PRKN: variants seen among roughly 807,000 people sequenced by gnomAD.
PRKN encodes parkin RBR E3 ubiquitin protein ligase, also known as E3 ubiquitin-protein ligase parkin.
PRKN carries 56 observed loss-of-function variants against 59.5 expected under a neutral mutation model. The observed-to-expected ratio is 0.94, with a 90% CI of 0.76 to 1.18. The LOEUF (loss-of-function observed/expected upper bound fraction) is 1.18, where lower values mean the gene tolerates loss of function less well. PRKN is among the 50% of genes most tolerant of loss of function. The probability of loss-of-function intolerance (pLI) is 0.00; values close to 1 mark genes in which losing one functional copy is unlikely to be tolerated. For missense variants in PRKN, 657 were observed against 596.4 expected, an observed-to-expected ratio of 1.10 and a Z score of -1.06; for synonymous variants, 250 against 222.1, an observed-to-expected ratio of 1.13 and a Z score of -1.12.
chr6:161,737,289 T>C (rs1332345457), intron 7 of PRKN, among the ~76,000 whole-genome samples: 1 of 152,106 alleles, frequency 6.6e-6, no homozygotes, highest in Non-Finnish European at 1.5e-5. Context: ...ACCAGAACAA[T>C]GTCCCTTAAG....
intron 1 of PRKN, among the ~76,000 whole-genome samples, chr6:162,651,574 C>G (rs111921262): frequency 9.9e-5 from 15 of 152,258 alleles, no homozygotes; most frequent in African/African-American, 3.4e-4. Flanking sequence ...ACTAGTTACA[C>G]CTCATAACCA....
intron 7 of PRKN, among the ~76,000 whole-genome samples, chr6:161,707,252 C>T (rs552700858): frequency 1.4e-4 from 21 of 150,244 alleles, no homozygotes; most frequent in African/African-American, 4.9e-4. Context: ...AGGTTGGTTA[C>T]ATTTAATGAA....
chr6:161,945,574 T>G (rs908577004), intron 6 of PRKN, among the ~76,000 whole-genome samples: 1 of 152,142 alleles, frequency 6.6e-6, no homozygotes, highest in Non-Finnish European at 1.5e-5. Flanking sequence ...CTTCTAGGAC[T>G]TAACAGTAAC....
rs529451725 is a variant in PRKN at position 161,551,274 on chromosome 6, A to T, written c.934-2271T>A. 1.3e-5 allele frequency among the ~76,000 whole-genome samples: 2 copies of T among 152,336 alleles called. No homozygotes were observed. Among genetic ancestry groups the T allele is most frequent in the South Asian group, 4.1e-4 (2 of 4,832 alleles). ...ACAGCACAGCCCCAAATGCCAAGGA[A>T]GGACCTGGGGAGGCGCGCTGGCGAC... On this transcript the variant is annotated intron_variant, in intron 8 of 11. Transcript: ENST00000366898. This position sits in a 1 kb window ranked among gnomAD's most constrained non-coding sequence, Gnocchi z 5.2.
chr6:162,442,095 C>T (rs1790083233), intron 2 of PRKN, among the ~76,000 whole-genome samples: 1 of 152,158 alleles, frequency 6.6e-6, no homozygotes, highest in Non-Finnish European at 1.5e-5. Context: ...GCAGTTTGTG[C>T]ACAACGAGTA....
intron 4 of PRKN, among the ~76,000 whole-genome samples, chr6:162,161,343 C>A (rs1352041628): frequency 6.6e-6 from 1 of 152,178 alleles, no homozygotes; most frequent in Non-Finnish European, 1.5e-5. Context: ...CTAAAGGATG[C>A]TCACTTAATA....
chr6:161,868,562 G>C (rs1202840238), intron 6 of PRKN, among the ~76,000 whole-genome samples: 1 of 152,058 alleles, frequency 6.6e-6, no homozygotes, highest in Non-Finnish European at 1.5e-5. Context: ...ACCTAGGTGA[G>C]AGAGTGAGAC....
intron 2 of PRKN, among the ~76,000 whole-genome samples, chr6:162,286,009 C>G (rs1562641297): frequency 6.6e-6 from 1 of 152,184 alleles, no homozygotes; most frequent in Non-Finnish European, 1.5e-5. Flanking sequence ...TTCAACCACA[C>G]AACCAAAGAC....
intron 4 of PRKN, among the ~76,000 whole-genome samples, chr6:162,111,443 C>T (rs569317566): frequency 6.6e-6 from 1 of 151,300 alleles, no homozygotes; most frequent in East Asian, 1.9e-4. Context: ...CCAGCCTGGG[C>T]AACAGAGTGA....
chr6:161,866,043 T>C (rs1157124961), intron 6 of PRKN, among the ~76,000 whole-genome samples: 1 of 152,150 alleles, frequency 6.6e-6, no homozygotes, highest in African/African-American at 2.4e-5. Context: ...TAATAATTGG[T>C]CTTATTTCAA....
At chr6:162,268,679 G>A (rs974886493) in intron 2 of PRKN, among the ~76,000 whole-genome samples, 2 of 152,176 alleles carry the variant, frequency 1.3e-5, no homozygotes, top group Non-Finnish European at 2.9e-5. Context: ...AGTTCACGAT[G>A]GGTTCAACAA....
At chr6:161,717,598 T>C (rs1274859051) in intron 7 of PRKN, among the ~76,000 whole-genome samples, 1 of 152,148 alleles carries the variant, frequency 6.6e-6, no homozygotes, top group Non-Finnish European at 1.5e-5. Flanking sequence ...TGTCTTCCGG[T>C]GTTCCTAATT....
intron 4 of PRKN, among the ~76,000 whole-genome samples, chr6:162,157,923 C>T (rs1034560075): frequency 1.2e-4 from 18 of 152,062 alleles, no homozygotes; most frequent in Non-Finnish European, 2.2e-4. Flanking sequence ...CTGGTCTCAA[C>T]ATTTTGTTGC....
At position 161,368,381 on chromosome 6, in the gene PRKN, T is replaced by TTA. The variant is rs1562399363; in HGVS notation, c.1168-8177_1168-8176insTA. 3.0e-4 allele frequency among the ~76,000 whole-genome samples: 21 copies of TTA among 70,792 alleles called. 1 individual carries two copies. The highest frequency in any genetic ancestry group is 1.3e-3 in the African/African-American group (20 of 16,000). 46.4% of individuals were successfully genotyped at this position (70,792 alleles called of 152,430 possible). Reference sequence around the variant, plus strand: ...TGTATATATATAGCAACCTCAGTCTTGATATATATATATATATATATATAT... The same window carrying TTA: ...TGTATATATATAGCAACCTCAGTCTTTAGATATATATATATATATATATATAT... On this transcript the variant is annotated intron_variant, in intron 10 of 11. Coordinates refer to ENST00000366898, the MANE Select transcript of PRKN (RefSeq NM_004562.3).
chr6:162,177,268 G>A (rs893781111), intron 4 of PRKN, among the ~76,000 whole-genome samples: 2 of 151,934 alleles, frequency 1.3e-5, no homozygotes, highest in African/African-American at 4.8e-5. Flanking sequence ...TGAGAGAATG[G>A]CTATAAATGA....
chr6:162,670,645 AAAG>A (rs1163056393), intron 1 of PRKN, among the ~76,000 whole-genome samples: 2 of 152,336 alleles, frequency 1.3e-5, no homozygotes, highest in East Asian at 3.9e-4. Context: ...CCTGAATTAA[AAAG>A]AAGACTTGCC....
chr6:162,025,102 A>G (rs1158192809), intron 5 of PRKN, among the ~76,000 whole-genome samples: 1 of 138,772 alleles, frequency 7.2e-6, no homozygotes, highest in Non-Finnish European at 1.5e-5. Context: ...TGCAAGCTCC[A>G]CCTCCTGGGT....
At position 161,367,059 on chromosome 6, in the gene PRKN, C is replaced by T. The variant is rs538138526; in HGVS notation, c.1168-6854G>A. ...AGGCTGGACTGCAGTGGCGTGATCT[C>T]GGCTCACTGCAAGCTCCGCCTCCCG... On this transcript the variant is annotated intron_variant, in intron 10 of 11. Transcript: ENST00000366898. 3.0e-4 allele frequency among the ~76,000 whole-genome samples: 40 copies of T among 134,450 alleles called. No individual in the cohort carries two copies. In the East Asian group the frequency reaches 8.0e-3, roughly 27 times the overall value. The allele number at this position is 134,450 out of a possible 152,430, so 88.2% of individuals were successfully genotyped here.
At chr6:162,259,740 ATGAC>A (rs10550917) in intron 3 of PRKN, among the ~76,000 whole-genome samples, 5,440 of 152,312 alleles carry the variant, frequency 0.036, 273 homozygotes, top group African/African-American at 0.1. Flanking sequence ...GTTCTGTTGA[ATGAC>A]TGACTATGTT....
Sources: gnomAD v4.1 joint callset for allele counts (sites outside exome capture counted in the v4.1 genomes callset) on GRCh38, gnomAD v4.1.1 for gene constraint, Gnocchi (gnomAD v3.1) non-coding constraint, MANE v1.5 for transcripts, NCBI Gene and HGNC (gene_info 2026-07-23, HGNC 2026-07-21) for gene names.